Variants in CEBPZ observed in about 807,000 individuals in gnomAD.
The protein encoded by CEBPZ is CCAAT enhancer binding protein zeta.
A neutral mutation model predicts 104.5 loss-of-function variants in CEBPZ; 78 were observed. The ratio of observed to expected loss-of-function variants is 0.75; its 90% CI spans 0.62 to 0.90. The LOEUF (loss-of-function observed/expected upper bound fraction) is 0.90. Among genes scored for constraint, CEBPZ ranks in the 40% least tolerant of loss-of-function variants. The pLI is 0.00. For synonymous variants in CEBPZ, 470 were observed against 427.0 expected, an observed-to-expected ratio of 1.10 and a Z score of -1.24; for missense variants, 1,439 against 1,233.5, an observed-to-expected ratio of 1.17 and a Z score of -2.50.
intron 4 of CEBPZ, 23 bp from the exon 5 acceptor site, chr2:37,220,496 G>T (rs372308093): frequency 3.9e-6 from 5 of 1,276,350 alleles, no homozygotes; most frequent in Non-Finnish European, 5.5e-6. Context: ...AAAAAAATAC[G>T]ATTTCTCAAA....
At chr2:37,210,129 G>C (rs183478489) in intron 13 of CEBPZ, 2 of 152,236 alleles carry the variant, frequency 1.3e-5, no homozygotes, top group Admixed American at 1.3e-4. Context: ...AAAAATTTCA[G>C]ATGTTGGCAT....
At chr2:37,210,910 T>A in intron 13 of CEBPZ, 89 bp downstream of exon 13, 1 of 740,880 alleles carries the variant, frequency 1.3e-6, no homozygotes, top group Non-Finnish European at 2.0e-6. Flanking sequence ...ATTTTATTAA[T>A]CAAATTTAGG....
Position 37,201,778 on chromosome 2 carries a change from T to A in CEBPZ, c.3151A>T (p.Lys1051Ter). ...ACATTAATAACTCATTTCCTTTGTT[T>A]TTTAGTTTTTTGAGTGGTTTTAATC... ...KRIKTTQKTK[K>*]QRK is the part of the protein sequence containing the mutation. Residue 1051 changes from lysine to a stop codon, truncating the protein, a stop_gained, in exon 16 of 16, where the codon AAA becomes TAA. Transcript: ENST00000234170. LOFTEE classifies it high-confidence loss of function. 2 of 1,440,550 alleles carry A rather than the reference T, an allele frequency of 1.4e-6. No homozygotes were observed. The highest frequency in any genetic ancestry group is 1.2e-5 in the South Asian group (1 of 86,852). The allele number at this position is 1,440,550 out of a possible 1,614,324, so 89.2% of individuals were successfully genotyped here.
chr2:37,228,615 G>T lies in CEBPZ; in HGVS notation c.578C>A (p.Ser193Tyr), dbSNP rs201042392. The part of the protein sequence containing the change: ...WYDLEYSNEY[S>Y]LKPQPQDVVS... ...AACATCCTGAGGCTGGGGTTTCAAA[G>T]AATATTCATTGCTGTACTCCAGATC... Residue 193 changes from serine to tyrosine, a missense_variant, in exon 2 of 16, where the codon TCT becomes TAT. By Grantham distance (144) the Ser-to-Tyr change is moderately radical. Transcript: ENST00000234170. 408 of 1,614,178 alleles carry T rather than the reference G, an allele frequency of 2.5e-4. No individual in the cohort carries two copies. The highest frequency in any genetic ancestry group is 3.7e-4 in the African/African-American group (28 of 75,042).
Position 37,201,672 on chromosome 2 carries a change from T to C in CEBPZ, c.*92A>G, listed in dbSNP as rs1677242283. The C allele has an allele frequency of 1.2e-6, 1 of 800,566 alleles. No homozygotes were observed. The highest frequency in any genetic ancestry group is 2.2e-6 in the Non-Finnish European group (1 of 461,876). The allele number at this position is 800,566 out of a possible 1,614,324, so 49.6% of individuals were successfully genotyped here. On this transcript the variant is annotated 3_prime_UTR_variant, in exon 16 of 16. Coordinates refer to ENST00000234170, the MANE Select transcript of CEBPZ (RefSeq NM_005760.3). ...TACAAATCCACTGAGAAGTCTGGAA[T>C]GTATGGAATCAGAGAGCTAGATCAA...
intron 14 of CEBPZ, 22 bp from the exon 15 acceptor site, chr2:37,202,887 T>G: frequency 6.3e-7 from 1 of 1,595,732 alleles, no homozygotes; most frequent in South Asian, 1.1e-5. Context: ...AAACGATAAA[T>G]TTATTAGAAA....
At chr2:37,211,305 T>A in intron 12 of CEBPZ, 1 of 371,232 alleles carries the variant, frequency 2.7e-6, no homozygotes, top group East Asian at 4.1e-5. Context: ...ATTTTCTAAA[T>A]AGCTTCATTA....
At chr2:37,203,058 T>G in intron 13 of CEBPZ, 50 bp from the exon 14 acceptor site, 1 of 1,258,586 alleles carries the variant, frequency 7.9e-7, no homozygotes, top group Non-Finnish European at 1.1e-6. Context: ...CTAATGATTT[T>G]AGAAAAATGC....
chr2:37,213,842 A>G (rs1420385242), intron 10 of CEBPZ, 22 bp downstream of exon 10: 1 of 1,512,198 alleles, frequency 6.6e-7, no homozygotes, highest in Middle Eastern at 1.7e-4. Context: ...TTATTTTACA[A>G]AGAGTCAACA....
At chr2:37,207,869 G>A (rs1214240844) in intron 13 of CEBPZ, among the ~76,000 whole-genome samples, 1 of 151,980 alleles carries the variant, frequency 6.6e-6, no homozygotes, top group African/African-American at 2.4e-5. Flanking sequence ...AGCTGGTTCT[G>A]TGGAAAAATA....
intron 13 of CEBPZ, among the ~76,000 whole-genome samples, chr2:37,206,673 GAAACA>G (rs772845517): frequency 2.6e-5 from 4 of 152,064 alleles, no homozygotes; most frequent in Non-Finnish European, 5.9e-5. Context: ...TCTAAATCTT[GAAACA>G]AAACCTTGAA....
chr2:37,207,975 C>A (rs534482832), intron 13 of CEBPZ, among the ~76,000 whole-genome samples: 1 of 151,950 alleles, frequency 6.6e-6, no homozygotes, highest in African/African-American at 2.4e-5. Context: ...ATACTACAAC[C>A]GATACCACAG....
intron 1 of CEBPZ, 43 bp downstream of exon 1, chr2:37,231,369 C>G (rs771544367): frequency 8.1e-6 from 13 of 1,611,378 alleles, no homozygotes; most frequent in Admixed American, 1.7e-5. Flanking sequence ...ACCTTCGGAA[C>G]TCTCCACGCC....
chr2:37,220,625 A>C (rs192198817), intron 4 of CEBPZ, 152 bp from the exon 5 acceptor site: 1 of 450,416 alleles, frequency 2.2e-6, no homozygotes, highest in Non-Finnish European at 4.1e-6. Context: ...CTCCCTCAAG[A>C]ATTTGTCTTG....
chr2:37,205,856 T>A (rs1369346593), intron 13 of CEBPZ, among the ~76,000 whole-genome samples: 1 of 152,122 alleles, frequency 6.6e-6, no homozygotes, highest in Non-Finnish European at 1.5e-5. Flanking sequence ...ATAATACTTT[T>A]AAAAATGTTA....
intron 3 of CEBPZ, among the ~76,000 whole-genome samples, chr2:37,222,924 G>C (rs564303851): frequency 1.3e-5 from 2 of 152,230 alleles, no homozygotes; most frequent in Non-Finnish European, 2.9e-5. Context: ...AAGTTTTATA[G>C]TCTTCCAAAT....
rs145678667 is a variant in CEBPZ at position 37,202,853 on chromosome 2, A to G, written c.2956T>C (p.Leu986=). 541 of 1,601,810 alleles carry G rather than the reference A, an allele frequency of 3.4e-4. 3 individuals are homozygous for G. In the African/African-American group the frequency reaches 6.8e-3, roughly 20 times the overall value. The change falls in exon 15 of 16, where the codon TTG becomes CTG. Residue 986 remains leucine, a synonymous_variant. Transcript: ENST00000234170. ...AACTTGGATCCCATATTTTCATCCA[A>G]TAGATGGCCAAACTTTTAAACAAAA... ...FVSAEEFGHL[L]DENMGSKFDN...
intron 5 of CEBPZ, among the ~76,000 whole-genome samples, chr2:37,217,592 T>C (rs1664647623): frequency 6.6e-6 from 1 of 152,106 alleles, no homozygotes; most frequent in Non-Finnish European, 1.5e-5. Context: ...TGTAAATACT[T>C]ATAGGTCCAT....
rs143884232 is a variant in CEBPZ, at chr2:37,208,341, C to A, written c.2884+2658G>T. Among the ~76,000 whole-genome samples, 146 of 151,918 alleles carry A rather than the reference C, an allele frequency of 9.6e-4. 1 individual carries two copies. Among genetic ancestry groups the A allele is most frequent in the African/African-American group, 3.3e-3 (136 of 41,482 alleles). ...ATTCCAAAATCAGGAAATGACATAACAAAAGAAAACTAGAGACCAATATTC... is the reference window on the plus strand; with the variant it reads ...ATTCCAAAATCAGGAAATGACATAAAAAAAGAAAACTAGAGACCAATATTC... On this transcript the variant is annotated intron_variant, in intron 13 of 15. Transcript: ENST00000234170.
Sources: gnomAD v4.1 joint callset for allele counts (sites outside exome capture counted in the v4.1 genomes callset) on GRCh38, gnomAD v4.1.1 for gene constraint, MANE v1.5 for transcripts, NCBI Gene and HGNC (gene_info 2026-07-23, HGNC 2026-07-21) for gene names.